The following TYK2 variants were observed in gnomAD, a reference collection of about 807,000 sequenced individuals.
TYK2 encodes the protein tyrosine kinase 2.
A neutral mutation model predicts 130.9 loss-of-function variants in TYK2; 65 were observed. That is an observed-to-expected ratio of 0.50 (90% CI 0.41 to 0.61). The LOEUF (loss-of-function observed/expected upper bound fraction) is 0.61, where lower values mean the gene tolerates loss of function less well. Among genes scored for constraint, TYK2 ranks in the 20% least tolerant of loss-of-function variants. The pLI, the probability that TYK2 is intolerant of heterozygous loss-of-function variation, is 0.00. For synonymous variants in TYK2, 647 were observed against 658.9 expected (o/e 0.98, Z 0.28); for missense variants, 1,378 against 1,610.7 (o/e 0.86, Z 2.47).
At chr19:10,371,097 C>T (rs974628837) in intron 3 of TYK2, among the ~76,000 whole-genome samples, 1 of 151,930 alleles carries the variant, frequency 6.6e-6, no homozygotes, top group Admixed American at 6.6e-5. Context: ...TCCCAAGGAG[C>T]TGGGACTACA....
intron 2 of TYK2, among the ~76,000 whole-genome samples, 188 bp downstream of exon 2, chr19:10,379,427 C>T (rs192190604): frequency 2.0e-4 from 30 of 150,486 alleles, no homozygotes; most frequent in Middle Eastern, 3.5e-3. Flanking sequence ...CTTTGGGAGG[C>T]CAAGGCGGAC....
chr19:10,353,036 C>G lies in TYK2; in HGVS notation c.3090G>C (p.Leu1030=), dbSNP rs1270990717. The change falls in exon 22 of 25, where the codon CTG becomes CTC. Residue 1030 remains leucine (L), a synonymous_variant. Coordinates refer to ENST00000525621, the MANE Select transcript of TYK2 (RefSeq NM_003331.5). The surrounding 1 kb of genome is among the most constrained non-coding windows in gnomAD (Gnocchi z 6.9). ...TCTTGACCAGCCTGTCGTTGTCCAG[C>G]AGCACGTTGCGCGCGGCTAGGTCTC... ...IHRDLAARNV[L]LDNDRLVKIG... 1.9e-6 allele frequency: 3 copies of G among 1,598,574 alleles called. No individual in the cohort carries two copies. Among genetic ancestry groups the G allele is most frequent in the Non-Finnish European group, 2.6e-6 (3 of 1,171,744 alleles).
intron 17 of TYK2, 109 bp downstream of exon 17, chr19:10,357,655 T>C: frequency 1.4e-6 from 2 of 1,473,034 alleles, no homozygotes; most frequent in East Asian, 2.5e-5. Flanking sequence ...CCAGAGAGAC[T>C]TGAAGTCACG....
In TYK2 at chr19:10,366,456, C is replaced by T. The variant is rs12720263; in HGVS notation, c.590G>A (p.Arg197His). 1.8e-3 allele frequency: 2,828 copies of T among 1,614,052 alleles called. 33 individuals carry two copies. In the African/African-American group the frequency reaches 0.027, roughly 15 times the overall value. ...AFLHLCHLAL[R>H]HGIPLEEVAK... ...CACCTCCTCCAGGGGGATGCCATGG[C>T]GGAGAGCGAGGTGACAGAGGTGCAG... Residue 197 changes from arginine to histidine, a missense_variant, in exon 6 of 25, where the codon CGC becomes CAC. By Grantham distance (29) the Arg-to-His change is conservative (BLOSUM62 0). Transcript: ENST00000525621.
intron 22 of TYK2, 124 bp downstream of exon 22, chr19:10,352,802 A>C: frequency 7.7e-7 from 1 of 1,302,224 alleles, no homozygotes; most frequent in Non-Finnish European, 1.0e-6. Flanking sequence ...CCACCCCCGC[A>C]CCGCTAGGCC....
At position 10,378,327 on chromosome 19, in the gene TYK2, C is replaced by A; in HGVS notation, c.80G>T (p.Gly27Val). Residue 27 changes from glycine to valine, a missense_variant, in exon 3 of 25, where the codon GGC (glycine) becomes GTC (valine). Gly to Val is a moderately radical substitution (Grantham distance 109). Transcript: ENST00000525621. ...DGAQPMAAMG[G>V]LKVLLHWAGP... ...AGCCCAGTGCAGAAGCACCTTCAGG[C>A]CTCCCATGGCAGCCATGGGCTGGGC... The A allele has an allele frequency of 6.2e-7, 1 of 1,612,802 alleles. No individual in the cohort carries two copies. Among genetic ancestry groups the A allele is most frequent in the Non-Finnish European group, 8.5e-7 (1 of 1,179,948 alleles).
chr19:10,368,429 T>G lies in TYK2; in HGVS notation c.194-11A>C, dbSNP rs1193167156. On this transcript the variant is annotated splice_polypyrimidine_tract_variant and intron_variant, in intron 3 of 24. Coordinates refer to ENST00000525621, the MANE Select transcript of TYK2 (RefSeq NM_003331.5). The stretch of plus-strand genomic sequence containing the variant: ...AAGGAGGAGTGATACCTGGATCAGG[T>G]GAGAAACGAGGTCAGGAGTCACGTC... 1.2e-6 allele frequency: 2 copies of G among 1,613,772 alleles called. No homozygotes were observed. Among genetic ancestry groups the G allele is most frequent in the East Asian group, 2.2e-5 (1 of 44,864 alleles).
chr19:10,355,121 T>A (rs1423687448), intron 18 of TYK2, among the ~76,000 whole-genome samples: 1 of 151,434 alleles, frequency 6.6e-6, no homozygotes, highest in Non-Finnish European at 1.5e-5. Flanking sequence ...GGCACAGATA[T>A]TTCATAGAGA....
At chr19:10,377,041 A>T (rs1258070112) in intron 3 of TYK2, among the ~76,000 whole-genome samples, 1 of 151,942 alleles carries the variant, frequency 6.6e-6, no homozygotes, top group African/African-American at 2.4e-5. Flanking sequence ...TGCTGGGACT[A>T]CAGGCATGTA....
Position 10,354,139 on chromosome 19 carries a change from G to A in TYK2, c.2811C>T (p.Gly937=), listed in dbSNP as rs2040961364. ...VAVKALKADC[G]PQHRSGWKQE... ...GCTTCCAGCCCGAGCGGTGCTGGGG[G>A]CCGCAGTCTGCCTTGAGGGCTTTCA... The change falls in exon 20 of 25, where the codon GGC becomes GGT. Residue 937 remains glycine (G), a synonymous_variant. Transcript: ENST00000525621. 2 of 1,613,964 alleles carry A rather than the reference G, an allele frequency of 1.2e-6. No individual in the cohort carries two copies. The highest frequency in any genetic ancestry group is 1.7e-6 in the Non-Finnish European group (2 of 1,179,996).
At chr19:10,357,259 T>C (rs2041147026) in intron 17 of TYK2, 5 of 539,086 alleles carry the variant, frequency 9.3e-6, no homozygotes, top group Non-Finnish European at 1.7e-5. Context: ...TGTGGTGGCA[T>C]GTGCCTGTAA....
intron 2 of TYK2, among the ~76,000 whole-genome samples, chr19:10,379,315 T>TG (rs1458867627): frequency 6.6e-6 from 1 of 151,384 alleles, no homozygotes; most frequent in Non-Finnish European, 1.5e-5. Context: ...GGTGACAGAG[T>TG]GAGACCCTGA....
At position 10,368,248 on chromosome 19, in the gene TYK2, C is replaced by T. The variant is rs752301451; in HGVS notation, c.318-46G>A. The stretch of plus-strand genomic sequence containing the variant: ...GCTGGGGCTTAGCACAGAGTCAGAC[C>T]AGCTTCAGCACAGGAGGGGACGAGC... On this transcript the variant is annotated intron_variant, in intron 4 of 24. Transcript: ENST00000525621. 2.5e-6 allele frequency: 4 copies of T among 1,614,032 alleles called. No individual in the cohort carries two copies. In the African/African-American group the frequency reaches 5.3e-5, roughly 22 times the overall value.
chr19:10,359,432 G>A, intron 14 of TYK2, 130 bp from the exon 15 acceptor site: 1 of 1,152,240 alleles, frequency 8.7e-7, no homozygotes. Context: ...TGTGGGTGGA[G>A]TTTGGTCTGG....
chr19:10,359,275 T>G lies in TYK2; in HGVS notation c.2075A>C (p.His692Pro). 6.2e-7 allele frequency: 1 copy of G among 1,611,922 alleles called. No homozygotes were observed. Among genetic ancestry groups the G allele is most frequent in the Non-Finnish European group, 8.5e-7 (1 of 1,179,928 alleles). ...ENIMVTEYVE[H>P]GPLDVWLRRE... ...CCGCAGCCACACATCCAGGGGTCCG[T>G]GCTCCACGTACTCTGTCACCATGAT... Residue 692 changes from histidine to proline, a missense_variant, in exon 15 of 25, where the codon CAC (histidine) becomes CCC (proline). His to Pro is a moderately conservative substitution (Grantham distance 77, BLOSUM62 -2). Coordinates refer to ENST00000525621, the MANE Select transcript of TYK2 (RefSeq NM_003331.5).
At chr19:10,354,820 C>T (rs1402988187) in intron 18 of TYK2, among the ~76,000 whole-genome samples, 2 of 151,728 alleles carry the variant, frequency 1.3e-5, no homozygotes, top group Non-Finnish European at 2.9e-5. Flanking sequence ...GAGGCCGAGG[C>T]GGGAAGATCA....
intron 9 of TYK2, among the ~76,000 whole-genome samples, chr19:10,363,455 C>T (rs2041507976): frequency 6.6e-6 from 1 of 152,114 alleles, no homozygotes; most frequent in Admixed American, 6.6e-5. Flanking sequence ...GCTGGGATTA[C>T]AGGTGTGAGC....
chr19:10,375,123 T>C (rs989292654), intron 3 of TYK2, among the ~76,000 whole-genome samples: 4 of 151,158 alleles, frequency 2.6e-5, no homozygotes, highest in South Asian at 2.1e-4. Context: ...GCGTCATGAT[T>C]GCACCACTGC....
Position 10,361,541 on chromosome 19 carries a change from C to G in TYK2, c.2017G>C (p.Val673Leu). The stretch of plus-strand genomic sequence containing the variant: ...GGGCCGCGCACACAGACGCCATGCA[C>G]GAAGGCCAGGTGCGTGTGGGAGACC... The part of the protein sequence containing the change: ...SQVSHTHLAF[V>L]HGVCVRGPEN... Residue 673 changes from valine to leucine, a missense_variant, in exon 14 of 25, where the codon GTG (valine) becomes CTG (leucine). By Grantham distance (32) the Val-to-Leu change is conservative. Coordinates refer to ENST00000525621, the MANE Select transcript of TYK2 (RefSeq NM_003331.5). The surrounding 1 kb of genome is among the most constrained non-coding windows in gnomAD (Gnocchi z 4.0). 2 of 1,547,380 alleles carry G rather than the reference C, an allele frequency of 1.3e-6. No individual in the cohort carries two copies. Among genetic ancestry groups the G allele is most frequent in the Non-Finnish European group, 1.7e-6 (2 of 1,146,886 alleles).
Sources: allele counts gnomAD v4.1 joint callset (sites outside exome capture counted in the v4.1 genomes callset), GRCh38; gene constraint gnomAD v4.1.1; non-coding constraint Gnocchi (gnomAD v3.1); transcripts MANE v1.5; gene names NCBI Gene and HGNC (gene_info 2026-07-23, HGNC 2026-07-21).